OLFML2B: variants seen among roughly 807,000 people sequenced by gnomAD.
OLFML2B encodes the protein olfactomedin-like protein 2B.
Under a neutral mutation model 74.9 loss-of-function variants are expected in OLFML2B, and 57 were observed. The observed-to-expected ratio is 0.76, with a 90% CI of 0.61 to 0.95. The LOEUF (loss-of-function observed/expected upper bound fraction) is 0.95, where lower values mean the gene tolerates loss of function less well. OLFML2B is among the 40% of genes least tolerant of loss of function. The pLI, the probability that OLFML2B is intolerant of heterozygous loss-of-function variation, is 0.00. For missense variants in OLFML2B, 986 were observed against 970.6 expected, an observed-to-expected ratio of 1.02 and a Z score of -0.21; for synonymous variants, 388 against 405.8, an observed-to-expected ratio of 0.96 and a Z score of 0.53.
At chr1:161,984,761 G>A (rs1689538244) in intron 7 of OLFML2B, 43 bp downstream of exon 7, 1 of 1,588,422 alleles carries the variant, frequency 6.3e-7, no homozygotes, top group African/African-American at 1.4e-5. Context: ...CAGAGGACGT[G>A]GGGAAGGGAA....
chr1:162,014,119 G>A (rs1253198783), intron 3 of OLFML2B, among the ~76,000 whole-genome samples: 1 of 152,114 alleles, frequency 6.6e-6, no homozygotes, highest in Non-Finnish European at 1.5e-5. Context: ...GCCTTTTGGG[G>A]TATTAAAATT....
At chr1:161,997,725 CT>C (rs201490367) in intron 6 of OLFML2B, 99 bp downstream of exon 6, 16,184 of 1,309,570 alleles carry the variant, frequency 0.012, 148 homozygotes, top group Non-Finnish European at 0.015. Flanking sequence ...CCATAAAGAA[CT>C]TTGACCATCT....
Position 161,984,976 on chromosome 1 carries a change from C to T in OLFML2B, c.1479G>A (p.Arg493=), listed in dbSNP as rs374905487. 1.7e-5 allele frequency: 27 copies of T among 1,605,336 alleles called. No individual in the cohort carries two copies. The highest frequency in any genetic ancestry group is 2.2e-5 in the Non-Finnish European group (26 of 1,176,892). The change falls in exon 7 of 8, where the codon AGG becomes AGA. Residue 493 remains arginine, a synonymous_variant. Coordinates refer to ENST00000294794, the MANE Select transcript of OLFML2B (RefSeq NM_015441.3). ...TGATTGTGGAGAGAGTGTCCTTGCA[C>T]CTTCCTGGTGGAGAAGAGGTGGATG... ...EEDDIRNVIG[R]CKDTLSTITG...
At chr1:162,004,032 C>T (rs962416836) in intron 4 of OLFML2B, among the ~76,000 whole-genome samples, 2 of 152,176 alleles carry the variant, frequency 1.3e-5, no homozygotes, top group Non-Finnish European at 2.9e-5. Flanking sequence ...ATTTGGTTTG[C>T]TGTTTGCCCT....
At chr1:162,009,709 C>A (rs1217480351) in intron 3 of OLFML2B, among the ~76,000 whole-genome samples, 1 of 152,212 alleles carries the variant, frequency 6.6e-6, no homozygotes. Context: ...GCCTGCAGGG[C>A]TCAGCCAGCT....
At chr1:161,999,853 G>A (rs1649720299) in intron 5 of OLFML2B, among the ~76,000 whole-genome samples, 1 of 152,142 alleles carries the variant, frequency 6.6e-6, no homozygotes, top group African/African-American at 2.4e-5. Context: ...CTGTACTGGA[G>A]GGCACTGAAG....
At chr1:161,990,410 T>C (rs751276524) in intron 6 of OLFML2B, among the ~76,000 whole-genome samples, 1 of 152,238 alleles carries the variant, frequency 6.6e-6, no homozygotes, top group African/African-American at 2.4e-5. Context: ...AAAGCGAATA[T>C]CATAATAAAG....
chr1:161,992,510 A>G (rs939636545), intron 6 of OLFML2B, among the ~76,000 whole-genome samples: 15 of 152,242 alleles, frequency 9.9e-5, no homozygotes, highest in African/African-American at 2.2e-4. Flanking sequence ...CTTTTGGCCT[A>G]TCTCGGCTTT....
At chr1:162,005,156 T>C (rs569748558) in intron 4 of OLFML2B, among the ~76,000 whole-genome samples, 12 of 152,244 alleles carry the variant, frequency 7.9e-5, no homozygotes, top group South Asian at 2.1e-4. Context: ...CCCAATACAT[T>C]AAATGGTAGC....
chr1:162,011,489 G>A (rs1690386066), intron 3 of OLFML2B, among the ~76,000 whole-genome samples: 1 of 152,242 alleles, frequency 6.6e-6, no homozygotes, highest in Non-Finnish European at 1.5e-5. Context: ...TGGTAAGAGA[G>A]CTGGGGAAGA....
intron 6 of OLFML2B, among the ~76,000 whole-genome samples, chr1:161,995,214 C>G (rs985392740): frequency 1.4e-5 from 2 of 143,342 alleles, no homozygotes; most frequent in African/African-American, 5.3e-5. Context: ...TAGACAATGC[C>G]TAGACAGCCA....
chr1:161,997,407 C>G (rs751061370), intron 6 of OLFML2B, among the ~76,000 whole-genome samples: 2 of 152,188 alleles, frequency 1.3e-5, no homozygotes, highest in Non-Finnish European at 2.9e-5. Flanking sequence ...TGCTCTCACT[C>G]TACTACAAAT....
chr1:161,998,307 A>G lies in OLFML2B; in HGVS notation c.992T>C (p.Ile331Thr), dbSNP rs1301117927. The G allele has an allele frequency of 1.3e-6, 2 of 1,583,938 alleles. No individual in the cohort carries two copies. The highest frequency in any genetic ancestry group is 1.7e-5 in the Admixed American group (1 of 58,096). Residue 331 changes from isoleucine (I) to threonine (T), a missense_variant, in exon 6 of 8, where the codon ATT (isoleucine) becomes ACT (threonine). Transcript: ENST00000294794. ...FSGDNGVDLL[I>T]EDQLLRHNGL... is the part of the protein sequence containing the mutation. Reference sequence around the variant, plus strand: ...GTTGTGTCTCAGGAGCTGATCTTCAATCAGCAAATCCACTCCATTGTCACC... The same window carrying G: ...GTTGTGTCTCAGGAGCTGATCTTCAGTCAGCAAATCCACTCCATTGTCACC...
At chr1:162,015,445 A>G (rs894874943) in intron 3 of OLFML2B, among the ~76,000 whole-genome samples, 1 of 152,162 alleles carries the variant, frequency 6.6e-6, no homozygotes, top group Non-Finnish European at 1.5e-5. Flanking sequence ...CTCCAGATCT[A>G]TCTTTCTCAA....
intron 1 of OLFML2B, among the ~76,000 whole-genome samples, chr1:162,020,880 G>C (rs1690684875): frequency 6.6e-6 from 1 of 152,240 alleles, no homozygotes; most frequent in African/African-American, 2.4e-5. Flanking sequence ...TGGTATTCAA[G>C]TTTGAAGACT....
At chr1:161,995,608 G>A (rs1448546328) in intron 6 of OLFML2B, among the ~76,000 whole-genome samples, 2 of 152,178 alleles carry the variant, frequency 1.3e-5, no homozygotes, top group Non-Finnish European at 2.9e-5. Context: ...TGGGTTCTGG[G>A]ACCCAGGTTG....
intron 4 of OLFML2B, among the ~76,000 whole-genome samples, chr1:162,003,658 C>G (rs956948232): frequency 2.0e-5 from 3 of 152,140 alleles, no homozygotes; most frequent in African/African-American, 7.2e-5. Context: ...CCACTCTCAC[C>G]CTGCTCTCTC....
chr1:161,984,313 C>T, intron 7 of OLFML2B, 37 bp from the exon 8 acceptor site: 1 of 1,512,090 alleles, frequency 6.6e-7, no homozygotes, highest in South Asian at 1.3e-5. Flanking sequence ...TTCAGAGTGG[C>T]ATGGCAGAGG....
intron 3 of OLFML2B, among the ~76,000 whole-genome samples, chr1:162,010,411 C>T (rs369325146): frequency 1.5e-3 from 231 of 152,280 alleles, no homozygotes; most frequent in African/African-American, 4.6e-3. Flanking sequence ...GGGAAGAGAA[C>T]GTGCAAACAA....
Sources: gnomAD v4.1 joint callset for allele counts (sites outside exome capture counted in the v4.1 genomes callset) on GRCh38, gnomAD v4.1.1 for gene constraint, MANE v1.5 for transcripts, NCBI Gene and HGNC (gene_info 2026-07-23, HGNC 2026-07-21) for gene names.